FHAD1: variants seen among roughly 807,000 people sequenced by gnomAD.
The protein encoded by FHAD1 is forkhead associated phosphopeptide binding domain 1, also known as forkhead-associated domain-containing protein 1.
Under a neutral mutation model 191.3 loss-of-function variants are expected in FHAD1, and 146 were observed. The ratio of observed to expected loss-of-function variants is 0.76; its 90% confidence interval spans 0.67 to 0.88. FHAD1 has a LOEUF of 0.88. Among genes scored for constraint, FHAD1 ranks in the 40% least tolerant of loss-of-function variants. The probability of loss-of-function intolerance (pLI) is 0.00; values close to 1 mark genes in which losing one functional copy is unlikely to be tolerated. For missense variants in FHAD1, 1,635 were observed against 1,785.8 expected, an observed-to-expected ratio of 0.92 and a Z score of 1.52; for synonymous variants, 616 against 672.3, an observed-to-expected ratio of 0.92 and a Z score of 1.29.
rs1056042099 is a variant in FHAD1, at chr1:15,397,546, A to T, written c.*133A>T. On this transcript the variant is annotated 3_prime_UTR_variant, in exon 34 of 34. Transcript: ENST00000688493. ...GTTACCCTAGTGTTTCATTTCCTAG[A>T]CCAGTATTTTGAACAATATTATATT... 1.1e-5 allele frequency: 5 copies of T among 462,164 alleles called. No homozygotes were observed. Among genetic ancestry groups the T allele is most frequent in the Admixed American group, 7.5e-5 (2 of 26,716 alleles). 28.6% of individuals were successfully genotyped at this position (462,164 alleles called of 1,614,324 possible).
At chr1:15,262,359 C>T (rs1316109444) in intron 2 of FHAD1, among the ~76,000 whole-genome samples, 1 of 152,174 alleles carries the variant, frequency 6.6e-6, no homozygotes, top group East Asian at 1.9e-4. Context: ...CCATAAGGGC[C>T]ATTCTGCTAT....
chr1:15,382,375 C>T (rs1701117212), intron 31 of FHAD1, among the ~76,000 whole-genome samples, 182 bp downstream of exon 31: 1 of 152,160 alleles, frequency 6.6e-6, no homozygotes. Context: ...CAACCACTTG[C>T]TATGTGACCT....
At chr1:15,251,976 C>A in intron 2 of FHAD1, 99 bp downstream of exon 2, 1 of 988,064 alleles carries the variant, frequency 1.0e-6, no homozygotes, top group Non-Finnish European at 1.5e-6. Flanking sequence ...CTCTTGTACA[C>A]CACAACCTGG....
chr1:15,392,654 G>A (rs564609267), intron 33 of FHAD1, among the ~76,000 whole-genome samples: 5 of 152,300 alleles, frequency 3.3e-5, no homozygotes, highest in East Asian at 1.9e-4. Context: ...AAGATGCGAC[G>A]TGGAAAATCT....
intron 26 of FHAD1, among the ~76,000 whole-genome samples, chr1:15,371,223 A>G (rs1296175760): frequency 6.6e-6 from 1 of 152,182 alleles, no homozygotes; most frequent in Non-Finnish European, 1.5e-5. Context: ...GCCCTATGCC[A>G]GGGATAGGAG....
intron 23 of FHAD1, among the ~76,000 whole-genome samples, chr1:15,365,455 C>T (rs987568747): frequency 1.3e-4 from 19 of 150,794 alleles, no homozygotes; most frequent in Non-Finnish European, 1.5e-5. Context: ...GCTGGGACAA[C>T]AGCCACACAC....
Position 15,304,045 on chromosome 1 carries a change from G to GT in FHAD1, c.915+2604_915+2605insT, listed in dbSNP as rs778052956. Reference sequence around the variant, plus strand: ...TCTCTTAAATATTCTATTGCCAACAGAACATTCAAGCAGACGTACAAGCCA... The same window carrying GT: ...TCTCTTAAATATTCTATTGCCAACAGTAACATTCAAGCAGACGTACAAGCCA... On this transcript the variant is annotated intron_variant, in intron 6 of 33. Coordinates refer to ENST00000688493, the MANE Select transcript of FHAD1 (RefSeq NM_001391957.1). Among the ~76,000 whole-genome samples, 140 of 152,260 alleles carry GT rather than the reference G, an allele frequency of 9.2e-4. 1 individual carries two copies. The Middle Eastern group carries it at 0.01, about 11-fold the overall frequency.
At chr1:15,258,472 C>G (rs1234651333) in intron 2 of FHAD1, among the ~76,000 whole-genome samples, 1 of 152,102 alleles carries the variant, frequency 6.6e-6, no homozygotes, top group Non-Finnish European at 1.5e-5. Context: ...GCATGTCTGT[C>G]CTACATTTTG....
chr1:15,296,562 T>C, intron 4 of FHAD1, 122 bp from the exon 5 acceptor site: 1 of 1,017,610 alleles, frequency 9.8e-7, no homozygotes, highest in Non-Finnish European at 1.5e-6. Flanking sequence ...CTTTAATTTT[T>C]AAATTACATA....
chr1:15,260,341 G>A (rs1418788068), intron 2 of FHAD1, among the ~76,000 whole-genome samples: 1 of 152,200 alleles, frequency 6.6e-6, no homozygotes, highest in African/African-American at 2.4e-5. Context: ...GACAGTGCCT[G>A]GCAGGTGGTT....
chr1:15,316,522 T>A lies in FHAD1; in HGVS notation c.1260+55T>A. 6.8e-7 allele frequency: 1 copy of A among 1,468,634 alleles called. No homozygotes were observed. The highest frequency in any genetic ancestry group is 9.3e-7 in the Non-Finnish European group (1 of 1,073,962). 91.0% of individuals were successfully genotyped at this position (1,468,634 alleles called of 1,614,324 possible). On this transcript the variant is annotated intron_variant, in intron 9 of 33. Transcript: ENST00000688493. The surrounding 1 kb of genome is among the most constrained non-coding windows in gnomAD (Gnocchi z 4.3). ...CACCAGAAAAAACAGAGTTTGACCTTGAGGTTCTTGGTGGGATCCTGGGCC... is the reference window on the plus strand; with the variant it reads ...CACCAGAAAAAACAGAGTTTGACCTAGAGGTTCTTGGTGGGATCCTGGGCC...
At chr1:15,304,958 TC>T (rs534084403) in intron 6 of FHAD1, among the ~76,000 whole-genome samples, 1 of 150,614 alleles carries the variant, frequency 6.6e-6, no homozygotes, top group Admixed American at 6.7e-5. Context: ...ATTGTCGGGG[TC>T]CCCCCCGACT....
intron 2 of FHAD1, among the ~76,000 whole-genome samples, chr1:15,260,246 G>GTT (rs1451499763): frequency 1.3e-5 from 2 of 152,190 alleles, no homozygotes. Flanking sequence ...TCCCAGGCAA[G>GTT]TTACCCAGCC....
In FHAD1 at chr1:15,334,006, GTTTT is replaced by G. The variant is rs1682899276; in HGVS notation, c.1906+4468_1906+4471del. On this transcript the variant is annotated intron_variant, in intron 14 of 33. Transcript: ENST00000688493. ...TGCCACCACGCCACCTAATTTTTGT[GTTTT>G]TTGTAGAGACGCGGTTTCGTCATGT... 2.6e-5 allele frequency among the ~76,000 whole-genome samples: 4 copies of G among 151,334 alleles called. No homozygotes were observed. In the South Asian group the frequency reaches 8.3e-4, roughly 32 times the overall value.
At chr1:15,309,623 C>T (rs1217299992) in intron 7 of FHAD1, among the ~76,000 whole-genome samples, 3 of 151,806 alleles carry the variant, frequency 2.0e-5, no homozygotes, top group African/African-American at 7.3e-5. Flanking sequence ...GAATGAGGCT[C>T]GACACAAATT....
chr1:15,378,106 C>A (rs1700078915), intron 28 of FHAD1, among the ~76,000 whole-genome samples: 1 of 152,202 alleles, frequency 6.6e-6, no homozygotes, highest in Non-Finnish European at 1.5e-5. Flanking sequence ...AAGTTTGAGA[C>A]CAGCCTGGCC....
rs190964791 is a variant in FHAD1, at chr1:15,346,282, G to A, written c.2346+759G>A. On this transcript the variant is annotated intron_variant, in intron 18 of 33. Transcript: ENST00000688493. ...GCCTGTGGAAGTTATATTTGGCCCC[G>A]GAATATTTTACTTTGAATTCATAAA... is the stretch of plus-strand genomic sequence containing the variant. 3.7e-4 allele frequency among the ~76,000 whole-genome samples: 56 copies of A among 152,260 alleles called. No homozygotes were observed. The East Asian group carries it at 6.4e-3, about 17-fold the overall frequency.
At chr1:15,375,487 G>A in intron 27 of FHAD1, 116 bp from the exon 28 acceptor site, 2 of 976,446 alleles carry the variant, frequency 2.0e-6, no homozygotes, top group Non-Finnish European at 2.9e-6. Context: ...TGCCACGGGA[G>A]GTCGTAAGGA....
chr1:15,264,540 ATG>A (rs1652572151), intron 2 of FHAD1, among the ~76,000 whole-genome samples: 1 of 139,362 alleles, frequency 7.2e-6, no homozygotes, highest in African/African-American at 2.9e-5. Flanking sequence ...TCAGTGTTAT[ATG>A]TATATATGTG....
Sources: allele counts gnomAD v4.1 joint callset (sites outside exome capture counted in the v4.1 genomes callset), GRCh38; gene constraint gnomAD v4.1.1; non-coding constraint Gnocchi (gnomAD v3.1); transcripts MANE v1.5; gene names NCBI Gene and HGNC (gene_info 2026-07-23, HGNC 2026-07-21).